The following AK8 variants were observed in gnomAD, a reference collection of about 807,000 sequenced individuals.
AK8 encodes the protein adenylate kinase 8.
In AK8, 44 loss-of-function variants were observed where a neutral mutation model predicts 54.6. The ratio of observed to expected loss-of-function variants is 0.81; its 90% CI spans 0.63 to 1.04. The LOEUF (loss-of-function observed/expected upper bound fraction) is 1.04. Ranked by LOEUF, AK8 falls within the 50% of genes least tolerant of loss-of-function variation. AK8 has a pLI of 0.00. For missense variants in AK8, 555 were observed against 613.6 expected, an observed-to-expected ratio of 0.90 and a Z score of 1.01; for synonymous variants, 239 against 245.6, an observed-to-expected ratio of 0.97 and a Z score of 0.25.
chr9:132,805,238 T>C (rs1840664233), intron 10 of AK8, among the ~76,000 whole-genome samples: 1 of 152,198 alleles, frequency 6.6e-6, no homozygotes, highest in African/African-American at 2.4e-5. Context: ...GATGACTCTG[T>C]GCACTCCGGC....
intron 5 of AK8, among the ~76,000 whole-genome samples, chr9:132,840,216 A>T (rs1842482078): frequency 6.6e-6 from 1 of 152,190 alleles, no homozygotes; most frequent in African/African-American, 2.4e-5. Flanking sequence ...TTCAAACCAA[A>T]GCAAGCATCA....
At chr9:132,788,397 T>C (rs953213276) in intron 11 of AK8, among the ~76,000 whole-genome samples, 4 of 152,308 alleles carry the variant, frequency 2.6e-5, no homozygotes, top group African/African-American at 4.8e-5. Context: ...CCTCTGAAAA[T>C]TGATCTTTTG....
In AK8 at chr9:132,802,556, G is replaced by A. The variant is rs537727813; in HGVS notation, c.980-9781C>T. ...AGAAGGCAGGTGAAGCCAGCCCCACGGAGAGGCTGTGAGGAGGGAAGATGC... is the reference window on the plus strand; with the variant it reads ...AGAAGGCAGGTGAAGCCAGCCCCACAGAGAGGCTGTGAGGAGGGAAGATGC... On this transcript the variant is annotated intron_variant, in intron 10 of 12. Coordinates refer to ENST00000298545, the MANE Select transcript of AK8 (RefSeq NM_152572.3). Among the ~76,000 whole-genome samples the A allele has an allele frequency of 2.6e-5, 4 of 152,260 alleles. No individual in the cohort carries two copies. The South Asian group carries it at 6.2e-4, about 24-fold the overall frequency.
chr9:132,854,955 G>T, intron 4 of AK8, 30 bp from the exon 5 acceptor site: 2 of 1,612,122 alleles, frequency 1.2e-6, no homozygotes, highest in Non-Finnish European at 1.7e-6. Flanking sequence ...CAGAATGATG[G>T]CCCAAACCTG....
chr9:132,799,928 G>A lies in AK8; in HGVS notation c.980-7153C>T, dbSNP rs1196070946. ...TGGGTCCCTGGGTCCCGCCCCTCCT[G>A]AAGGATCCCAATAGGACCCAGGAGG... On this transcript the variant is annotated intron_variant, in intron 10 of 12. Coordinates refer to ENST00000298545, the MANE Select transcript of AK8 (RefSeq NM_152572.3). This position sits in a 1 kb window ranked among gnomAD's most constrained non-coding sequence, Gnocchi z 5.0. 2.0e-5 allele frequency among the ~76,000 whole-genome samples: 3 copies of A among 152,148 alleles called. No individual in the cohort carries two copies. The highest frequency in any genetic ancestry group is 6.5e-5 in the Admixed American group (1 of 15,282).
rs2526004 is a variant in AK8 at position 132,863,426 on chromosome 9, C to T, written c.333+239G>A. Among the ~76,000 whole-genome samples, 54,209 of 152,232 alleles carry T rather than the reference C, an allele frequency of 0.36. 11,808 individuals carry two copies. The highest frequency in any genetic ancestry group is 0.57 in the South Asian group (2,755 of 4,820). On this transcript the variant is annotated intron_variant, in intron 4 of 12. Coordinates refer to ENST00000298545, the MANE Select transcript of AK8 (RefSeq NM_152572.3). Reference sequence around the variant, plus strand: ...CTTGGACAAAACAGCCTCCTTCACTCGACCCGTGATCCTTTCCCACTGCAA... The same window carrying T: ...CTTGGACAAAACAGCCTCCTTCACTTGACCCGTGATCCTTTCCCACTGCAA...
chr9:132,812,563 C>CACTGGGATGACGGGTGA (rs1564415180), intron 10 of AK8, among the ~76,000 whole-genome samples: 19 of 150,662 alleles, frequency 1.3e-4, no homozygotes, highest in Admixed American at 2.6e-4. Flanking sequence ...CCGCCGCGCC[C>CACTGGGATGACGGGTGA]GGCCGCTAGG....
Position 132,792,645 on chromosome 9 carries a change from G to A in AK8, c.1110C>T (p.Tyr370=), listed in dbSNP as rs997012409. Residue 370 remains tyrosine (Y), a synonymous_variant, in exon 11 of 13, where the codon TAC becomes TAT. Transcript: ENST00000298545. ...DQAHLLNRLG[Y]NPNRVFFLNV... is the part of the protein sequence containing the mutation. ...CTGGGGCAGCTCACCTGTTGGGATT[G>A]TAGCCCAGGCGGTTCAGCAGGTGTG... 3.2e-6 allele frequency: 5 copies of A among 1,553,078 alleles called. No individual in the cohort carries two copies. The highest frequency in any genetic ancestry group is 1.9e-5 in the Admixed American group (1 of 51,406).
At chr9:132,816,418 T>G (rs1841333257) in intron 9 of AK8, among the ~76,000 whole-genome samples, 1 of 151,978 alleles carries the variant, frequency 6.6e-6, no homozygotes, top group Non-Finnish European at 1.5e-5. Context: ...GACAATTCTG[T>G]GTGCCAAGCA....
At chr9:132,853,672 G>C (rs1338713468) in intron 5 of AK8, among the ~76,000 whole-genome samples, 2 of 150,808 alleles carry the variant, frequency 1.3e-5, no homozygotes, top group African/African-American at 4.9e-5. Flanking sequence ...TGCAGTTCCA[G>C]CTACTGGGGA....
chr9:132,765,220 G>C (rs553410701), intron 11 of AK8, among the ~76,000 whole-genome samples: 3 of 149,058 alleles, frequency 2.0e-5, no homozygotes, highest in Admixed American at 6.7e-5. Flanking sequence ...TTGAGCCCAG[G>C]GGGCGGAGGT....
chr9:132,742,580 C>T (rs1380766807), intron 11 of AK8, among the ~76,000 whole-genome samples: 3 of 152,232 alleles, frequency 2.0e-5, no homozygotes, highest in African/African-American at 4.8e-5. Context: ...TTCTGCCCCT[C>T]GCAGCCCTCT....
At chr9:132,774,386 A>C (rs1276570380) in intron 11 of AK8, among the ~76,000 whole-genome samples, 1 of 152,194 alleles carries the variant, frequency 6.6e-6, no homozygotes, top group African/African-American at 2.4e-5. Context: ...TTTTCTTAAA[A>C]GTTTTTTTAT....
chr9:132,812,837 G>C (rs960575229), intron 10 of AK8, among the ~76,000 whole-genome samples: 1 of 151,718 alleles, frequency 6.6e-6, no homozygotes, highest in Non-Finnish European at 1.5e-5. Context: ...CTCATTCTGT[G>C]GCCACCGCAG....
At chr9:132,733,276 T>C (rs911310447) in intron 11 of AK8, among the ~76,000 whole-genome samples, 2 of 150,138 alleles carry the variant, frequency 1.3e-5, no homozygotes, top group Non-Finnish European at 2.9e-5. Flanking sequence ...AGTGCAGGTG[T>C]CGCAGCGGCT....
intron 11 of AK8, among the ~76,000 whole-genome samples, chr9:132,785,340 G>C (rs943320542): frequency 7.2e-5 from 11 of 152,182 alleles, no homozygotes; most frequent in African/African-American, 2.7e-4. Context: ...TGGACCTCGT[G>C]ATCCACCTGC....
intron 11 of AK8, among the ~76,000 whole-genome samples, chr9:132,764,854 T>C (rs775021381): frequency 1.9e-4 from 29 of 151,780 alleles, no homozygotes; most frequent in Non-Finnish European, 3.2e-4. Context: ...TCCAAATGCA[T>C]TCTATGAGGC....
At chr9:132,865,519 G>A (rs574649727) in intron 3 of AK8, among the ~76,000 whole-genome samples, 207 of 152,266 alleles carry the variant, frequency 1.4e-3, no homozygotes, top group Non-Finnish European at 2.3e-3. Flanking sequence ...ACACATTTTT[G>A]GCACTTAAAA....
At chr9:132,859,594 C>T (rs1017937062) in intron 4 of AK8, among the ~76,000 whole-genome samples, 1 of 151,528 alleles carries the variant, frequency 6.6e-6, no homozygotes, top group Non-Finnish European at 1.5e-5. Flanking sequence ...GTGGCCTTCC[C>T]CCTCTCCCCC....
Sources: allele counts gnomAD v4.1 joint callset (sites outside exome capture counted in the v4.1 genomes callset), GRCh38; gene constraint gnomAD v4.1.1; non-coding constraint Gnocchi (gnomAD v3.1); transcripts MANE v1.5; gene names NCBI Gene and HGNC (gene_info 2026-07-23, HGNC 2026-07-21).